Variants in IST1 observed in about 807,000 individuals in gnomAD.
IST1 encodes IST1 homolog.
A neutral mutation model predicts 37.0 loss-of-function variants in IST1; 23 were observed. The observed-to-expected ratio is 0.62, with a 90% CI of 0.45 to 0.88. IST1 has a LOEUF of 0.88. Among genes scored for constraint, IST1 ranks in the 40% least tolerant of loss-of-function variants. The pLI is 0.00. For synonymous variants in IST1, 180 were observed against 161.7 expected (o/e 1.11, Z -0.86); for missense variants, 488 against 445.4 (o/e 1.10, Z -0.86).
chr16:71,916,612 T>G lies in IST1; in HGVS notation c.239T>G (p.Leu80Arg). ...EILELYCDLL[L>R]ARFGLIQSMK... The stretch of plus-strand genomic sequence containing the variant: ...CTGGAGCTGTACTGTGACCTGCTGC[T>G]GGCTCGGTTTGGCCTTATCCAGTCT... Residue 80 changes from leucine (L) to arginine (R), a missense_variant, in exon 3 of 10, where the codon CTG becomes CGG. Physicochemically the swap from Leu to Arg is moderately radical, Grantham distance 102. Coordinates refer to ENST00000378799, the MANE Select transcript of IST1 (RefSeq NM_001270975.2). 1 of 1,614,106 alleles carries G rather than the reference T, an allele frequency of 6.2e-7. No homozygotes were observed.
intron 8 of IST1, chr16:71,924,295 T>C (rs997154810): frequency 4.9e-6 from 2 of 410,660 alleles, no homozygotes; most frequent in Non-Finnish European, 9.6e-6. Flanking sequence ...AGGATTTTTT[T>C]TTCTCTGCTT....
Position 71,897,389 on chromosome 16 carries a change from C to T in IST1, c.-16+1800C>T, listed in dbSNP as rs2036998219. Among the ~76,000 whole-genome samples the T allele has an allele frequency of 1.3e-5, 2 of 152,042 alleles. 1 individual carries two copies. Among genetic ancestry groups the T allele is most frequent in the South Asian group, 4.1e-4 (2 of 4,832 alleles). On this transcript the variant is annotated intron_variant, in intron 1 of 9. Coordinates refer to ENST00000378799, the MANE Select transcript of IST1 (RefSeq NM_001270975.2). Reference sequence around the variant, plus strand: ...TATTTTGTCCAAATACTTTTTCATTCTCCCTCTTTGTTCTTATGTCTCTGG... The same window carrying T: ...TATTTTGTCCAAATACTTTTTCATTTTCCCTCTTTGTTCTTATGTCTCTGG...
rs1041941918 is a variant in IST1, at chr16:71,910,458, T to G, written c.-15-5168T>G. On this transcript the variant is annotated intron_variant, in intron 1 of 9. Transcript: ENST00000378799. ...CGTCTCTACTAAAAATATAAAAAATTAGCTGGGTGTGGTGGCGGGCGCCCG... is the reference window on the plus strand; with the variant it reads ...CGTCTCTACTAAAAATATAAAAAATGAGCTGGGTGTGGTGGCGGGCGCCCG... 3.3e-5 allele frequency among the ~76,000 whole-genome samples: 5 copies of G among 151,924 alleles called. No homozygotes were observed. In the East Asian group the frequency reaches 9.7e-4, roughly 29 times the overall value.
intron 1 of IST1, among the ~76,000 whole-genome samples, chr16:71,902,886 T>C (rs907892470): frequency 6.6e-6 from 1 of 152,180 alleles, no homozygotes; most frequent in African/African-American, 2.4e-5. Flanking sequence ...TATTTTTTCT[T>C]CTATTTCATT....
At chr16:71,903,115 A>T (rs187255299) in intron 1 of IST1, 7 of 152,068 alleles carry the variant, frequency 4.6e-5, no homozygotes, top group African/African-American at 1.4e-4. Flanking sequence ...AGTAGCTGGG[A>T]CTCCAGGTGT....
rs923655961 is a variant in IST1, at chr16:71,928,074, G to C, written c.*261G>C. 4.5e-6 allele frequency: 2 copies of C among 446,280 alleles called. No individual in the cohort carries two copies. The highest frequency in any genetic ancestry group is 2.0e-5 in the African/African-American group (1 of 50,012). 27.6% of individuals were successfully genotyped at this position (446,280 alleles called of 1,614,324 possible). A position where few individuals can be genotyped will look rare whatever the true frequency, so the allele number is the denominator to read the frequency against. ...TCCGTTTCCTGTCAGAGTGATCCCA[G>C]GTTTCCTCCTGGCCCGTCCCATGGT... On this transcript the variant is annotated 3_prime_UTR_variant, in exon 10 of 10. Transcript: ENST00000378799.
intron 1 of IST1, among the ~76,000 whole-genome samples, chr16:71,906,714 T>C (rs1401649236): frequency 6.6e-6 from 1 of 152,180 alleles, no homozygotes; most frequent in Admixed American, 6.6e-5. Context: ...TTTCCCTGGA[T>C]ATATAATTTT....
chr16:71,913,911 C>A (rs1414199919), intron 1 of IST1, among the ~76,000 whole-genome samples: 1 of 152,144 alleles, frequency 6.6e-6, no homozygotes, highest in Non-Finnish European at 1.5e-5. Context: ...TGGGTTAAAG[C>A]AATTCTCCTG....
intron 1 of IST1, among the ~76,000 whole-genome samples, chr16:71,902,747 C>T (rs1285797733): frequency 2.0e-5 from 3 of 152,116 alleles, no homozygotes; most frequent in Admixed American, 2.0e-4. Context: ...GATATTCACC[C>T]TTTCATCGCT....
chr16:71,898,370 G>GAAAAA (rs57871135), intron 1 of IST1, among the ~76,000 whole-genome samples: 1 of 100,846 alleles, frequency 9.9e-6, no homozygotes, highest in Non-Finnish European at 1.9e-5. Context: ...CTCTCTCTCA[G>GAAAAA]AAAAAAAAAA....
At chr16:71,927,149 C>T (rs968397101) in intron 9 of IST1, among the ~76,000 whole-genome samples, 1 of 152,094 alleles carries the variant, frequency 6.6e-6, no homozygotes, top group Non-Finnish European at 1.5e-5. Context: ...AGGATTCAAC[C>T]CTAATTAGAA....
upstream of IST1, chr16:71,895,256 T>TCTGCGCCCAC (rs2036937994): frequency 6.3e-6 from 1 of 158,034 alleles, no homozygotes; most frequent in Non-Finnish European, 1.4e-5. Flanking sequence ...CAGCTGTGGC[T>TCTGCGCCCAC]GGCCTCCCCG....
Position 71,930,325 on chromosome 16 carries a change from A to C in IST1, c.*2512A>C, listed in dbSNP as rs2037897811. The stretch of plus-strand genomic sequence containing the variant: ...TTAGGGAGAGAGTCAAAAGATAATA[A>C]GAAGGAAAATACTTTTAAATGGACA... On this transcript the variant is annotated 3_prime_UTR_variant, in exon 10 of 10. Coordinates refer to ENST00000378799, the MANE Select transcript of IST1 (RefSeq NM_001270975.2). 1.2e-6 allele frequency: 1 copy of C among 816,548 alleles called. No individual in the cohort carries two copies. 50.6% of individuals were successfully genotyped at this position (816,548 alleles called of 1,614,324 possible).
chr16:71,924,361 G>C (rs552465009), intron 8 of IST1: 4 of 374,202 alleles, frequency 1.1e-5, no homozygotes, highest in South Asian at 8.4e-5. Flanking sequence ...TGTAATCCCA[G>C]CACTTTGGGA....
chr16:71,900,671 A>ATG (rs557358554), intron 1 of IST1, among the ~76,000 whole-genome samples: 94 of 53,612 alleles, frequency 1.8e-3, no homozygotes, highest in African/African-American at 7.3e-3. Flanking sequence ...AAAGATAAGT[A>ATG]TATATGTATA....
chr16:71,921,147 G>A (rs1354301830), intron 5 of IST1, 196 bp from the exon 6 acceptor site: 6 of 602,230 alleles, frequency 1.0e-5, no homozygotes, highest in Non-Finnish European at 1.8e-5. Flanking sequence ...TCTGGGTCAT[G>A]TGTAATGAGA....
At chr16:71,923,195 T>C (rs1281333762) in intron 7 of IST1, 93 bp from the exon 8 acceptor site, 1 of 644,168 alleles carries the variant, frequency 1.6e-6, no homozygotes, top group African/African-American at 1.9e-5. Context: ...AGTATGAGAA[T>C]ATAAATGTAT....
chr16:71,928,057 C>G lies in IST1; in HGVS notation c.*244C>G, dbSNP rs947025480. 6.3e-6 allele frequency: 3 copies of G among 474,484 alleles called. No homozygotes were observed. In the Admixed American group the frequency reaches 1.0e-4, roughly 16 times the overall value. The allele number at this position is 474,484 out of a possible 1,614,324, so 29.4% of individuals were successfully genotyped here. On this transcript the variant is annotated 3_prime_UTR_variant, in exon 10 of 10. Transcript: ENST00000378799. ...CCTGGCAGCTGTGCTTGTCCGTTTC[C>G]TGTCAGAGTGATCCCAGGTTTCCTC...
chr16:71,925,198 A>G (rs1384855055), intron 9 of IST1, among the ~76,000 whole-genome samples: 1 of 151,514 alleles, frequency 6.6e-6, no homozygotes, highest in Non-Finnish European at 1.5e-5. Context: ...TATTTTTAGT[A>G]GAGACGGGGT....
Sources: allele counts gnomAD v4.1 joint callset (sites outside exome capture counted in the v4.1 genomes callset), GRCh38; gene constraint gnomAD v4.1.1; transcripts MANE v1.5; gene names NCBI Gene and HGNC (gene_info 2026-07-23, HGNC 2026-07-21).